ZNF385D: variants seen among roughly 807,000 people sequenced by gnomAD.
ZNF385D encodes the protein zinc finger protein 385D.
In ZNF385D, 15 loss-of-function variants were observed where a neutral mutation model predicts 35.8. That is an observed-to-expected ratio of 0.42 (90% CI 0.28 to 0.64). ZNF385D has a LOEUF of 0.64. Among genes scored for constraint, ZNF385D ranks in the 30% least tolerant of loss-of-function variants. The pLI, the probability that ZNF385D is intolerant of heterozygous loss-of-function variation, is 0.23. For synonymous variants in ZNF385D, 212 were observed against 186.8 expected (o/e 1.13, Z -1.10); for missense variants, 474 against 494.6 (o/e 0.96, Z 0.39).
chr3:21,999,998 G>C (rs781700919), intron 3 of ZNF385D, among the ~76,000 whole-genome samples: 1 of 152,052 alleles, frequency 6.6e-6, no homozygotes, highest in South Asian at 2.1e-4. Flanking sequence ...TCCCCAAATA[G>C]ATTCAATCCA....
At chr3:21,911,193 A>G (rs141174213) in intron 3 of ZNF385D, among the ~76,000 whole-genome samples, 192 of 152,140 alleles carry the variant, frequency 1.3e-3, no homozygotes, top group African/African-American at 4.3e-3. Flanking sequence ...TAATTACAAA[A>G]CATAGCACAA....
chr3:21,774,287 A>G (rs2071198987), intron 3 of ZNF385D, among the ~76,000 whole-genome samples: 1 of 151,528 alleles, frequency 6.6e-6, no homozygotes, highest in African/African-American at 2.4e-5. Flanking sequence ...GGGTGGTGAG[A>G]GGAGGGAGAG....
At chr3:21,778,044 T>G (rs554730332) in intron 3 of ZNF385D, among the ~76,000 whole-genome samples, 28 of 151,950 alleles carry the variant, frequency 1.8e-4, no homozygotes, top group Non-Finnish European at 3.4e-4. Context: ...TTTAAGTTAA[T>G]GAGTTCTAGG....
chr3:21,863,444 C>T (rs1697168483), intron 3 of ZNF385D, among the ~76,000 whole-genome samples: 2 of 152,146 alleles, frequency 1.3e-5, no homozygotes, highest in Non-Finnish European at 2.9e-5. Flanking sequence ...ATGCTCATAT[C>T]GAAAGTTTGT....
At chr3:21,780,889 T>G (rs2071463790) in intron 3 of ZNF385D, among the ~76,000 whole-genome samples, 1 of 152,080 alleles carries the variant, frequency 6.6e-6, no homozygotes, top group Admixed American at 6.6e-5. Context: ...ATGGTTGACA[T>G]TTAGTAGCGC....
intron 2 of ZNF385D, among the ~76,000 whole-genome samples, chr3:22,289,830 G>A (rs919488352): frequency 3.3e-5 from 5 of 152,058 alleles, no homozygotes; most frequent in African/African-American, 7.2e-5. Context: ...ATAAGCTAGG[G>A]GAAAGGTTTA....
At chr3:22,131,599 G>A (rs1341256615) in intron 3 of ZNF385D, among the ~76,000 whole-genome samples, 2 of 152,102 alleles carry the variant, frequency 1.3e-5, no homozygotes, top group East Asian at 1.9e-4. Context: ...ACTAAAAAGA[G>A]GACAGAGCAA....
At chr3:22,299,231 A>T (rs1308310320) in intron 2 of ZNF385D, among the ~76,000 whole-genome samples, 3 of 151,932 alleles carry the variant, frequency 2.0e-5, no homozygotes, top group African/African-American at 7.2e-5. Flanking sequence ...TTAAGATTAT[A>T]ATTTATATAA....
At chr3:21,470,287 G>A (rs571949422) in intron 4 of ZNF385D, among the ~76,000 whole-genome samples, 50 of 152,258 alleles carry the variant, frequency 3.3e-4, no homozygotes, top group African/African-American at 9.6e-4. Flanking sequence ...ATCCTAAGCA[G>A]TTTTCTAGGT....
chr3:21,980,623 A>G (rs1005859805), intron 3 of ZNF385D, among the ~76,000 whole-genome samples: 1 of 152,090 alleles, frequency 6.6e-6, no homozygotes, highest in Non-Finnish European at 1.5e-5. Context: ...TTACATAAAC[A>G]CATGTCCCAG....
chr3:21,481,833 T>C (rs943402851), intron 4 of ZNF385D, among the ~76,000 whole-genome samples: 1 of 152,186 alleles, frequency 6.6e-6, no homozygotes. Flanking sequence ...AGGTGCTCAA[T>C]ATATAACTGC....
intron 4 of ZNF385D, among the ~76,000 whole-genome samples, chr3:21,509,045 T>C (rs1274159439): frequency 6.6e-6 from 1 of 150,534 alleles, no homozygotes; most frequent in African/African-American, 2.4e-5. Flanking sequence ...TGGCACAATC[T>C]CGGCTCACAG....
rs1453087776 is a variant in ZNF385D, at chr3:22,233,654, T to C, written c.107-64619A>G. Among the ~76,000 whole-genome samples, 10 of 152,242 alleles carry C rather than the reference T, an allele frequency of 6.6e-5. No individual in the cohort carries two copies. In the East Asian group the frequency reaches 1.9e-3, roughly 29 times the overall value. On this transcript the variant is annotated intron_variant, in intron 2 of 5. Transcript: ENST00000494108. ...ATCATAACCCCCAGAATACCTGGCT[T>C]CTACCCACACCACTTCACTGAAATT...
At chr3:22,241,636 A>G (rs1409384389) in intron 2 of ZNF385D, among the ~76,000 whole-genome samples, 2 of 151,220 alleles carry the variant, frequency 1.3e-5, no homozygotes, top group African/African-American at 2.4e-5. Flanking sequence ...TACTCAGGGT[A>G]GAATTTTCTT....
rs148849611 is a variant in ZNF385D at position 22,062,264 on chromosome 3, C to T, written c.325+106553G>A. Among the ~76,000 whole-genome samples, 257 of 152,034 alleles carry T rather than the reference C, an allele frequency of 1.7e-3. 2 individuals are homozygous for T. In the Middle Eastern group the frequency reaches 0.017, roughly 10 times the overall value. ...AGAGACAGGATTTTGCCATGTTACC[C>T]AGGCGGACTTAAACTCTCGGGATCA... On this transcript the variant is annotated intron_variant, in intron 3 of 5. Transcript: ENST00000494108.
At chr3:21,425,957 T>C (rs1701004315) in intron 5 of ZNF385D, among the ~76,000 whole-genome samples, 1 of 152,176 alleles carries the variant, frequency 6.6e-6, no homozygotes, top group Admixed American at 6.5e-5. Context: ...ACCGTTAGTA[T>C]AGTAACTAAA....
At chr3:21,614,103 T>C (rs1037452301) in intron 2 of ZNF385D, among the ~76,000 whole-genome samples, 11 of 152,196 alleles carry the variant, frequency 7.2e-5, no homozygotes, top group African/African-American at 2.7e-4. Context: ...AGGGCTGCCA[T>C]AACAAAATAC....
chr3:21,841,514 T>C (rs1292801544), intron 3 of ZNF385D, among the ~76,000 whole-genome samples: 6 of 152,068 alleles, frequency 3.9e-5, no homozygotes, highest in Non-Finnish European at 7.4e-5. Flanking sequence ...TTTTGCTAAT[T>C]TTATGAGCAC....
At chr3:22,123,963 T>TCTCTATAG (rs1491534365) in intron 3 of ZNF385D, among the ~76,000 whole-genome samples, 1 of 54,958 alleles carries the variant, frequency 1.8e-5, no homozygotes, top group Non-Finnish European at 3.8e-5. Flanking sequence ...TCTCTCTCTC[T>TCTCTATAG]ATATATATAT....
Sources: allele counts gnomAD v4.1 joint callset (sites outside exome capture counted in the v4.1 genomes callset), GRCh38; gene constraint gnomAD v4.1.1; transcripts MANE v1.5; gene names NCBI Gene and HGNC (gene_info 2026-07-23, HGNC 2026-07-21).